The following MARCHF1 variants were observed in gnomAD, a reference collection of about 807,000 sequenced individuals.
MARCHF1 encodes the protein E3 ubiquitin-protein ligase MARCHF1.
MARCHF1 carries 40 observed loss-of-function variants against 54.2 expected under a neutral mutation model. The observed-to-expected ratio is 0.74, with a 90% CI of 0.57 to 0.96. The LOEUF (loss-of-function observed/expected upper bound fraction) is 0.96. MARCHF1 is among the 40% of genes least tolerant of loss of function. The pLI, the probability that MARCHF1 is intolerant of heterozygous loss-of-function variation, is 0.00. For synonymous variants in MARCHF1, 236 were observed against 236.3 expected, an observed-to-expected ratio of 1.00 and a Z score of 0.01; for missense variants, 586 against 656.5, an observed-to-expected ratio of 0.89 and a Z score of 1.17.
rs547686453 is a variant in MARCHF1, at chr4:163,910,643, C to T, written c.-38-56474G>A. Among the ~76,000 whole-genome samples the T allele has an allele frequency of 2.0e-5, 3 of 152,258 alleles. 1 individual carries two copies. The South Asian group carries it at 6.2e-4, about 32-fold the overall frequency. ...ATGAGTAGCTGGGATTACTGGCACC[C>T]ACCACCATGCCCAGCTAATTTTTTT... On this transcript the variant is annotated intron_variant, in intron 3 of 9. Transcript: ENST00000514618.
intron 8 of MARCHF1, among the ~76,000 whole-genome samples, chr4:163,565,831 C>T (rs1739627700): frequency 1.3e-5 from 2 of 152,172 alleles, no homozygotes; most frequent in South Asian, 4.1e-4. Flanking sequence ...ATCACTGCTC[C>T]TATTGCATAT....
intron 1 of MARCHF1, chr4:164,188,620 G>A (rs1395925445): frequency 1.8e-5 from 18 of 990,704 alleles, no homozygotes; most frequent in Middle Eastern, 2.1e-4. Context: ...ATGCCGCCAC[G>A]AACCAGCTCA....
intron 2 of MARCHF1, among the ~76,000 whole-genome samples, chr4:164,102,720 A>T (rs1409160866): frequency 6.6e-6 from 1 of 151,926 alleles, no homozygotes; most frequent in Non-Finnish European, 1.5e-5. Context: ...TGAGCAAAAT[A>T]ACCAGCTAAC....
At position 163,901,757 on chromosome 4, in the gene MARCHF1, G is replaced by C. The variant is rs570540708; in HGVS notation, c.-38-47588C>G. On this transcript the variant is annotated intron_variant, in intron 3 of 9. Transcript: ENST00000514618. ...ATTCAGAGTTTTTGCAAAATTTATG[G>C]AAACAACCAAGGCATCTATAATCTC... Among the ~76,000 whole-genome samples, 73 of 152,218 alleles carry C rather than the reference G, an allele frequency of 4.8e-4. 1 individual carries two copies. Among genetic ancestry groups the C allele is most frequent in the African/African-American group, 1.7e-3 (72 of 41,556 alleles).
chr4:164,052,237 A>G (rs991598381), intron 2 of MARCHF1, among the ~76,000 whole-genome samples: 1 of 132,514 alleles, frequency 7.5e-6, no homozygotes, highest in African/African-American at 2.8e-5. Context: ...AATAAAGATA[A>G]TGTGGCTGGG....
At chr4:163,576,931 T>A (rs773379695) in intron 8 of MARCHF1, among the ~76,000 whole-genome samples, 5 of 152,126 alleles carry the variant, frequency 3.3e-5, no homozygotes, top group African/African-American at 4.8e-5. Flanking sequence ...AGCCATTTAT[T>A]TTGAGCCTAT....
At chr4:164,004,709 C>A (rs188433324) in intron 2 of MARCHF1, among the ~76,000 whole-genome samples, 21 of 152,048 alleles carry the variant, frequency 1.4e-4, no homozygotes, top group African/African-American at 2.9e-4. Flanking sequence ...ATCACCCCCC[C>A]CAACTGGAAG....
chr4:163,598,194 C>G (rs1740835750), intron 7 of MARCHF1, among the ~76,000 whole-genome samples: 1 of 152,146 alleles, frequency 6.6e-6, no homozygotes, highest in Admixed American at 6.5e-5. Context: ...AAGGGGGTGT[C>G]TTCAACCGCA....
intron 8 of MARCHF1, among the ~76,000 whole-genome samples, chr4:163,559,649 C>T (rs7695497): frequency 0.92 from 140,434 of 152,276 alleles, 64,784 homozygotes; most frequent in Middle Eastern, 0.98. Context: ...TTAGAACCTC[C>T]GATTATCTGC....
At chr4:164,100,498 C>A (rs944613297) in intron 2 of MARCHF1, among the ~76,000 whole-genome samples, 3 of 152,150 alleles carry the variant, frequency 2.0e-5, no homozygotes, top group African/African-American at 4.8e-5. Context: ...GTAGAATTGC[C>A]AGCAATACAG....
intron 1 of MARCHF1, among the ~76,000 whole-genome samples, chr4:164,165,438 C>T (rs1730350900): frequency 6.6e-6 from 1 of 151,798 alleles, no homozygotes; most frequent in South Asian, 2.1e-4. Flanking sequence ...AGATAACCTT[C>T]TGCAAGACAG....
intron 1 of MARCHF1, among the ~76,000 whole-genome samples, chr4:164,242,806 A>G (rs1732814887): frequency 6.6e-6 from 1 of 152,114 alleles, no homozygotes; most frequent in Admixed American, 6.5e-5. Context: ...GCTGAAAACC[A>G]AGGCTCGAGA....
intron 5 of MARCHF1, among the ~76,000 whole-genome samples, chr4:163,688,093 A>T (rs1744325049): frequency 6.6e-6 from 1 of 152,202 alleles, no homozygotes; most frequent in South Asian, 2.1e-4. Flanking sequence ...TCACTGTAGG[A>T]CACATGGAAA....
chr4:163,963,360 G>A lies in MARCHF1; in HGVS notation c.-39+25141C>T, dbSNP rs546752755. ...TTTTCTTTCTCGGCAGACCATATTG[G>A]TAACCAGTTGATAACAAAATGACAT... On this transcript the variant is annotated intron_variant, in intron 3 of 9. Transcript: ENST00000514618. Among the ~76,000 whole-genome samples, 12 of 151,862 alleles carry A rather than the reference G, an allele frequency of 7.9e-5. No homozygotes were observed. The South Asian group carries it at 2.5e-3, about 32-fold the overall frequency.
rs1755932882 is a variant in MARCHF1, at chr4:164,116,036, A to G, written c.-322-4374T>C. On this transcript the variant is annotated intron_variant, in intron 1 of 9. Transcript: ENST00000514618. Reference sequence around the variant, plus strand: ...TTGATCTTTTTTTGTAAGGTTTAAAATCTAAATAACTTATCTTTACTTCAT... The same window carrying G: ...TTGATCTTTTTTTGTAAGGTTTAAAGTCTAAATAACTTATCTTTACTTCAT... Among the ~76,000 whole-genome samples the G allele has an allele frequency of 2.0e-5, 3 of 152,114 alleles. 1 individual carries two copies. The South Asian group carries it at 6.2e-4, about 31-fold the overall frequency.
At chr4:163,848,629 T>G (rs1001531182) in intron 4 of MARCHF1, among the ~76,000 whole-genome samples, 2 of 152,190 alleles carry the variant, frequency 1.3e-5, no homozygotes, top group South Asian at 4.1e-4. Flanking sequence ...ATAAGATGTT[T>G]TTGTTTTTAA....
chr4:163,716,837 T>C (rs1170496288), intron 4 of MARCHF1, among the ~76,000 whole-genome samples: 1 of 152,234 alleles, frequency 6.6e-6, no homozygotes, highest in Non-Finnish European at 1.5e-5. Context: ...ATTTTCTTTG[T>C]TGTTATTCCC....
intron 1 of MARCHF1, among the ~76,000 whole-genome samples, chr4:164,312,322 T>TTTC (rs1734875045): frequency 7.3e-6 from 1 of 136,126 alleles, no homozygotes; most frequent in Non-Finnish European, 1.6e-5. Flanking sequence ...TCTTTTTCTT[T>TTTC]TTTTTTTTTT....
intron 1 of MARCHF1, among the ~76,000 whole-genome samples, chr4:164,261,367 T>G (rs1325466570): frequency 6.6e-6 from 1 of 152,202 alleles, no homozygotes; most frequent in Non-Finnish European, 1.5e-5. Flanking sequence ...TCACACATTG[T>G]GTCAGTTGTC....
Sources: gnomAD v4.1 joint callset for allele counts (sites outside exome capture counted in the v4.1 genomes callset) on GRCh38, gnomAD v4.1.1 for gene constraint, MANE v1.5 for transcripts, NCBI Gene and HGNC (gene_info 2026-07-23, HGNC 2026-07-21) for gene names.